Variants in RSAD1 observed in about 807,000 individuals in gnomAD.
RSAD1 encodes the protein radical S-adenosyl methionine domain-containing protein 1, mitochondrial.
A neutral mutation model predicts 46.2 loss-of-function variants in RSAD1; 34 were observed. The observed-to-expected ratio is 0.74, with a 90% CI of 0.56 to 0.98. The LOEUF (loss-of-function observed/expected upper bound fraction) is 0.98. Ranked by LOEUF, RSAD1 falls within the 50% of genes least tolerant of loss-of-function variation. RSAD1 has a pLI of 0.00. For missense variants in RSAD1, 635 were observed against 592.3 expected, an observed-to-expected ratio of 1.07 and a Z score of -0.75; for synonymous variants, 260 against 253.5, an observed-to-expected ratio of 1.03 and a Z score of -0.24.
chr17:50,482,131 A>C lies in RSAD1; in HGVS notation c.515A>C (p.His172Pro). The C allele has an allele frequency of 6.3e-7, 1 of 1,589,816 alleles. No homozygotes were observed. ...DTELRLLGRT[H>P]SACDALRTLA... The stretch of plus-strand genomic sequence containing the variant: ...GAGCTCCGGCTGTTGGGACGGACGC[A>C]CTCGGCCTGCGATGCTCTGCGGACG... The change falls in exon 4 of 9, where the codon CAC becomes CCC. Residue 172 changes from histidine (H) to proline (P), a missense_variant. Transcript: ENST00000258955.
At position 50,483,455 on chromosome 17, in the gene RSAD1, C is replaced by T. The variant is rs1677726262; in HGVS notation, c.1020C>T (p.Thr340=). The T allele has an allele frequency of 1.2e-6, 2 of 1,613,332 alleles. No homozygotes were observed. Among genetic ancestry groups the T allele is most frequent in the Non-Finnish European group, 1.7e-6 (2 of 1,179,722 alleles). ...MKEVMLFGHG[T]RKRVPLGRLE... is the part of the protein sequence containing the mutation. ...AGGTGATGCTGTTTGGCCATGGCAC[C>T]CGGAAGCGTGTCCCCCTGGGCAGGC... The change falls in exon 6 of 9, where the codon ACC becomes ACT. Residue 340 remains threonine, a synonymous_variant. Coordinates refer to ENST00000258955, the MANE Select transcript of RSAD1 (RefSeq NM_018346.3).
rs141135449 is a variant in RSAD1, at chr17:50,484,944, C to T, written c.*83C>T. The stretch of plus-strand genomic sequence containing the variant: ...ACTGCAGACATCTCTTCTCCGTTGT[C>T]GGGTGCCGTCTCTGCTCCTTGTGGT... On this transcript the variant is annotated 3_prime_UTR_variant, in exon 9 of 9. Coordinates refer to ENST00000258955, the MANE Select transcript of RSAD1 (RefSeq NM_018346.3). 2.4e-4 allele frequency: 264 copies of T among 1,103,408 alleles called. No homozygotes were observed. The African/African-American group carries it at 3.3e-3, about 14-fold the overall frequency. The allele number at this position is 1,103,408 out of a possible 1,614,324, so 68.4% of individuals were successfully genotyped here. A position where few individuals can be genotyped will look rare whatever the true frequency, so the allele number is the denominator to read the frequency against.
rs1487920892 is a variant in RSAD1 at position 50,479,252 on chromosome 17, A to G, written c.135+233A>G. ...CGGTGACTCTGACCAAATGGTTCAA[A>G]TTTCATAACAATTTTCCTCTTAGCA... On this transcript the variant is annotated intron_variant, in intron 1 of 8. Transcript: ENST00000258955. 6.0e-6 allele frequency: 3 copies of G among 501,680 alleles called. No homozygotes were observed. In the African/African-American group the frequency reaches 6.0e-5, roughly 10 times the overall value. 31.1% of individuals were successfully genotyped at this position (501,680 alleles called of 1,614,324 possible). A position where few individuals can be genotyped will look rare whatever the true frequency, so the allele number is the denominator to read the frequency against.
Position 50,480,014 on chromosome 17 carries a change from C to G in RSAD1, c.404C>G (p.Thr135Ser), listed in dbSNP as rs369218216. 7 of 1,614,208 alleles carry G rather than the reference C, an allele frequency of 4.3e-6. No homozygotes were observed. Among genetic ancestry groups the G allele is most frequent in the Non-Finnish European group, 5.9e-6 (7 of 1,180,044 alleles). The stretch of plus-strand genomic sequence containing the variant: ...GAAGTCACATTGGAGGCTAATCCTA[C>G]TTCAGCTCCGGGCTCCAGACTGGCA... ...DLEVTLEANP[T>S]SAPGSRLAEF... Residue 135 changes from threonine (T) to serine (S), a missense_variant, in exon 3 of 9, where the codon ACT becomes AGT. Coordinates refer to ENST00000258955, the MANE Select transcript of RSAD1 (RefSeq NM_018346.3).
intron 7 of RSAD1, 108 bp from the exon 8 acceptor site, chr17:50,484,334 G>A: frequency 2.2e-6 from 2 of 912,768 alleles, no homozygotes; most frequent in Admixed American, 2.3e-5. Context: ...GTCAGCTGCT[G>A]AGATCTCCAT....
Position 50,485,075 on chromosome 17 carries a change from G to A in RSAD1, c.*214G>A. The stretch of plus-strand genomic sequence containing the variant: ...CCCATTCAGCATCTCAGGACTCACA[G>A]GCCAACATGTGTTCCATGGCTGGGA... On this transcript the variant is annotated 3_prime_UTR_variant, in exon 9 of 9. Coordinates refer to ENST00000258955, the MANE Select transcript of RSAD1 (RefSeq NM_018346.3). The A allele has an allele frequency of 1.8e-6, 1 of 555,034 alleles. No individual in the cohort carries two copies. Among genetic ancestry groups the A allele is most frequent in the Non-Finnish European group, 3.2e-6 (1 of 310,168 alleles). 34.4% of individuals were successfully genotyped at this position (555,034 alleles called of 1,614,324 possible). A position where few individuals can be genotyped will look rare whatever the true frequency, so the allele number is the denominator to read the frequency against.
Position 50,479,912 on chromosome 17 carries a change from C to T in RSAD1, c.302C>T (p.Pro101Leu). Reference sequence around the variant, plus strand: ...TCTGTGTTCTTTGGTGGGGGGACCCCCAGTCTAGCCAGTCCCCACACGGTG... The same window carrying T: ...TCTGTGTTCTTTGGTGGGGGGACCCTCAGTCTAGCCAGTCCCCACACGGTG... The part of the protein sequence containing the change: ...VESVFFGGGT[P>L]SLASPHTVAA... Residue 101 changes from proline (P) to leucine (L), a missense_variant, in exon 3 of 9, where the codon CCC becomes CTC. Coordinates refer to ENST00000258955, the MANE Select transcript of RSAD1 (RefSeq NM_018346.3). 2 of 1,613,954 alleles carry T rather than the reference C, an allele frequency of 1.2e-6. No individual in the cohort carries two copies. Among genetic ancestry groups the T allele is most frequent in the Non-Finnish European group, 1.7e-6 (2 of 1,179,844 alleles).
At chr17:50,483,095 T>C (rs184526438) in intron 5 of RSAD1, among the ~76,000 whole-genome samples, 115 of 137,246 alleles carry the variant, frequency 8.4e-4, no homozygotes, top group African/African-American at 2.7e-3. Flanking sequence ...TCTGAGCTAC[T>C]TGGGAAGCTG....
intron 2 of RSAD1, 26 bp downstream of exon 2, chr17:50,479,788 G>T: frequency 6.3e-7 from 1 of 1,593,556 alleles, no homozygotes; most frequent in Non-Finnish European, 8.6e-7. Context: ...TGTAGGCAGC[G>T]TTTTGGGAAA....
chr17:50,484,674 G>A (rs1290593412), intron 8 of RSAD1, 70 bp from the exon 9 acceptor site: 20 of 1,532,244 alleles, frequency 1.3e-5, no homozygotes, highest in Middle Eastern at 1.7e-4. Flanking sequence ...CTGGGAGCTC[G>A]GCCCTGCTGG....
chr17:50,482,620 C>T, intron 4 of RSAD1, 23 bp from the exon 5 acceptor site: 1 of 1,613,962 alleles, frequency 6.2e-7, no homozygotes, highest in Non-Finnish European at 8.5e-7. Context: ...CTTCACTCTG[C>T]ACTATTTCCT....
At position 50,482,529 on chromosome 17, in the gene RSAD1, T is replaced by G; in HGVS notation, c.840+73T>G. Reference sequence around the variant, plus strand: ...GTGTGACCAGGGCGTTGTGACCTTCTGAAGAGAAGGATCCTGGCCGAGATG... The same window carrying G: ...GTGTGACCAGGGCGTTGTGACCTTCGGAAGAGAAGGATCCTGGCCGAGATG... On this transcript the variant is annotated intron_variant, in intron 4 of 8. Transcript: ENST00000258955. 4 of 1,610,434 alleles carry G rather than the reference T, an allele frequency of 2.5e-6. No individual in the cohort carries two copies. In the South Asian group the frequency reaches 4.4e-5, roughly 18 times the overall value.
At position 50,478,923 on chromosome 17, in the gene RSAD1, A is replaced by G. The variant is rs2033343984; in HGVS notation, c.39A>G (p.Ala13=). 2 of 1,344,350 alleles carry G rather than the reference A, an allele frequency of 1.5e-6. No homozygotes were observed. The highest frequency in any genetic ancestry group is 1.9e-6 in the Non-Finnish European group (2 of 1,054,970). 83.3% of individuals were successfully genotyped at this position (1,344,350 alleles called of 1,614,324 possible). Residue 13 remains alanine, a synonymous_variant, in exon 1 of 9, where the codon GCA becomes GCG. Transcript: ENST00000258955. ...GAGCCCGGGCTCGCGGCTGGGCGGC[A>G]GCAGCCAGAGCGGCCCAGAGGCGCC... ...LPGARARGWA[A]AARAAQRRRR...
rs749274085 is a variant in RSAD1, at chr17:50,483,330, ATGT to A, written c.905-6_905-4del. ...GCCATTAATGTGGGGATGGTTGTTG[ATGT>A]TGTCAGGGGCCCATGGACGATTTAT... is the stretch of plus-strand genomic sequence containing the variant. On this transcript the variant is annotated splice_region_variant and splice_polypyrimidine_tract_variant and intron_variant, in intron 5 of 8. Coordinates refer to ENST00000258955, the MANE Select transcript of RSAD1 (RefSeq NM_018346.3). The A allele has an allele frequency of 2.5e-6, 4 of 1,612,792 alleles. No individual in the cohort carries two copies. Among genetic ancestry groups the A allele is most frequent in the African/African-American group, 2.7e-5 (2 of 75,000 alleles).
At chr17:50,483,854 C>T (rs1017821267) in intron 7 of RSAD1, 94 bp downstream of exon 7, 3 of 1,231,406 alleles carry the variant, frequency 2.4e-6, no homozygotes, top group Non-Finnish European at 3.4e-6. Flanking sequence ...CATATACCTC[C>T]AATTTCTGTG....
In RSAD1 at chr17:50,482,450, C is replaced by A; in HGVS notation, c.834C>A (p.Ala278=). Residue 278 remains alanine (A), a synonymous_variant, in exon 4 of 9, where the codon GCC becomes GCA. Transcript: ENST00000258955. Reference sequence around the variant, plus strand: ...ACCAGTATGAGGTCTCCAACTTTGCCCGGAATGTAAGTTCTGGGGCTGATG... The same window carrying A: ...ACCAGTATGAGGTCTCCAACTTTGCACGGAATGTAAGTTCTGGGGCTGATG... ...GFHQYEVSNF[A]RNGALSTHNW... is the part of the protein sequence containing the mutation. The A allele has an allele frequency of 1.3e-6, 2 of 1,588,874 alleles. No homozygotes were observed. The highest frequency in any genetic ancestry group is 8.5e-7 in the Non-Finnish European group (1 of 1,170,490).
rs778299565 is a variant in RSAD1, at chr17:50,483,385, G to A, written c.950G>A (p.Arg317Gln). 63 of 1,613,736 alleles carry A rather than the reference G, an allele frequency of 3.9e-5. No individual in the cohort carries two copies. The highest frequency in any genetic ancestry group is 3.3e-4 in the Middle Eastern group (2 of 6,082). Reference sequence around the variant, plus strand: ...CCCCAGGGGGCTGGAGGCCACACCCGGGAGGCTCGGATCCAGACACTGGAG... The same window carrying A: ...CCCCAGGGGGCTGGAGGCCACACCCAGGAGGCTCGGATCCAGACACTGGAG... ...FMPQGAGGHT[R>Q]EARIQTLEPD... The change falls in exon 6 of 9, where the codon CGG becomes CAG. Residue 317 changes from arginine (R) to glutamine (Q), a missense_variant. Transcript: ENST00000258955.
In RSAD1 at chr17:50,483,470, C is replaced by T. The variant is rs1196153463; in HGVS notation, c.1035C>T (p.Pro345=). The T allele has an allele frequency of 6.2e-7, 1 of 1,612,936 alleles. No homozygotes were observed. The highest frequency in any genetic ancestry group is 8.5e-7 in the Non-Finnish European group (1 of 1,179,484). The change falls in exon 6 of 9, where the codon CCC becomes CCT. Residue 345 remains proline (P), a synonymous_variant. Transcript: ENST00000258955. The part of the protein sequence containing the change: ...LFGHGTRKRV[P]LGRLELLEEV... Reference sequence around the variant, plus strand: ...GCCATGGCACCCGGAAGCGTGTCCCCCTGGGCAGGCTGGAGCTGTGAGCAT... The same window carrying T: ...GCCATGGCACCCGGAAGCGTGTCCCTCTGGGCAGGCTGGAGCTGTGAGCAT...
Position 50,479,724 on chromosome 17 carries a change from C to G in RSAD1, c.231C>G (p.Thr77=), listed in dbSNP as rs774812561. 1.2e-6 allele frequency: 2 copies of G among 1,612,748 alleles called. No homozygotes were observed. The highest frequency in any genetic ancestry group is 1.7e-6 in the Non-Finnish European group (2 of 1,179,410). ...CTGCCATGCAGAAGTGTCTGGTGAC[C>G]GAAGCTCAGACGCTGCTGCGGCTCA... ...EEAAMQKCLV[T]EAQTLLRLSG... is the part of the protein sequence containing the mutation. Residue 77 remains threonine (T), a synonymous_variant, in exon 2 of 9, where the codon ACC becomes ACG. Transcript: ENST00000258955.
Sources: allele counts gnomAD v4.1 joint callset (sites outside exome capture counted in the v4.1 genomes callset), GRCh38; gene constraint gnomAD v4.1.1; transcripts MANE v1.5; gene names NCBI Gene and HGNC (gene_info 2026-07-23, HGNC 2026-07-21).